Variants in DPP10 observed in about 807,000 individuals in gnomAD.
DPP10 encodes the protein inactive dipeptidyl peptidase 10.
Under a neutral mutation model 120.9 loss-of-function variants are expected in DPP10, and 33 were observed. The ratio of observed to expected loss-of-function variants is 0.27; its 90% confidence interval spans 0.21 to 0.37. The LOEUF (loss-of-function observed/expected upper bound fraction) is 0.37. Ranked by LOEUF, DPP10 falls within the 10% of genes least tolerant of loss-of-function variation. The pLI is 1.00. For missense variants in DPP10, 816 were observed against 942.8 expected (o/e 0.87, Z 1.76); for synonymous variants, 337 against 326.1 (o/e 1.03, Z -0.36).
intron 1 of DPP10, among the ~76,000 whole-genome samples, chr2:114,626,444 A>G (rs1326332379): frequency 6.6e-6 from 1 of 152,098 alleles, no homozygotes; most frequent in African/African-American, 2.4e-5. Context: ...ATAATCACAT[A>G]AACTATATAT....
intron 1 of DPP10, among the ~76,000 whole-genome samples, chr2:114,581,173 C>CTTTTTTTTTT (rs70937291): frequency 1.3e-5 from 1 of 77,892 alleles, no homozygotes; most frequent in Non-Finnish European, 2.3e-5. Flanking sequence ...TTTTTCTTCT[C>CTTTTTTTTTT]TTTTTTTTTT....
At chr2:115,459,438 T>C (rs2105054854) in intron 3 of DPP10, among the ~76,000 whole-genome samples, 1 of 152,190 alleles carries the variant, frequency 6.6e-6, no homozygotes, top group East Asian at 1.9e-4. Flanking sequence ...ATTACAGGCA[T>C]GAGCTACCAC....
chr2:114,848,613 A>G (rs1688719001), intron 1 of DPP10, among the ~76,000 whole-genome samples: 1 of 152,222 alleles, frequency 6.6e-6, no homozygotes. Flanking sequence ...TAGGACTTTC[A>G]TTGAAGAAAA....
chr2:115,099,130 C>CA (rs55815168), intron 1 of DPP10, among the ~76,000 whole-genome samples: 16,621 of 74,704 alleles, frequency 0.22, 1,068 homozygotes, highest in Non-Finnish European at 0.25. Context: ...GCTAAAAATA[C>CA]AAAAAAAAAA....
At chr2:114,807,009 T>C (rs1684792414) in intron 1 of DPP10, among the ~76,000 whole-genome samples, 2 of 152,210 alleles carry the variant, frequency 1.3e-5, no homozygotes, top group Non-Finnish European at 2.9e-5. Flanking sequence ...CTTCCTCAGA[T>C]TCTTGTTGGA....
intron 1 of DPP10, among the ~76,000 whole-genome samples, chr2:114,599,220 G>T (rs552682431): frequency 5.7e-4 from 86 of 151,834 alleles, no homozygotes; most frequent in African/African-American, 2.1e-3. Context: ...AATGAAGTAG[G>T]TTTGTAATTT....
intron 5 of DPP10, among the ~76,000 whole-genome samples, chr2:115,606,951 G>A (rs1425713091): frequency 6.6e-6 from 1 of 152,186 alleles, no homozygotes; most frequent in Non-Finnish European, 1.5e-5. Flanking sequence ...ATGAGAAGCA[G>A]TCAAATGCAA....
At chr2:115,639,692 G>A (rs2086624812) in intron 5 of DPP10, among the ~76,000 whole-genome samples, 1 of 151,988 alleles carries the variant, frequency 6.6e-6, no homozygotes, top group African/African-American at 2.4e-5. Context: ...CTTTTGAGGT[G>A]TTTGTTAAAA....
intron 1 of DPP10, among the ~76,000 whole-genome samples, chr2:114,621,597 T>G (rs1292007793): frequency 6.6e-6 from 1 of 151,988 alleles, no homozygotes; most frequent in African/African-American, 2.4e-5. Context: ...AGTAGGTTTT[T>G]TGTGTGTGAC....
intron 5 of DPP10, among the ~76,000 whole-genome samples, chr2:115,607,282 CATTT>C (rs2083764313): frequency 6.6e-6 from 1 of 152,058 alleles, no homozygotes; most frequent in Non-Finnish European, 1.5e-5. Flanking sequence ...TTAATTCAAA[CATTT>C]AATAATAATA....
At chr2:115,421,324 G>A (rs530443976) in intron 3 of DPP10, among the ~76,000 whole-genome samples, 1 of 152,200 alleles carries the variant, frequency 6.6e-6, no homozygotes, top group East Asian at 1.9e-4. Context: ...TAAATATACT[G>A]TGGAACTATG....
chr2:114,634,254 T>C (rs911828039), intron 1 of DPP10, among the ~76,000 whole-genome samples: 2 of 151,926 alleles, frequency 1.3e-5, no homozygotes, highest in African/African-American at 4.9e-5. Flanking sequence ...TTCTCAAATA[T>C]GAAAAGCTTT....
At chr2:115,634,503 A>G (rs2086158961) in intron 5 of DPP10, among the ~76,000 whole-genome samples, 1 of 152,136 alleles carries the variant, frequency 6.6e-6, no homozygotes, top group African/African-American at 2.4e-5. Context: ...GGTCCACTCC[A>G]GACTCTATTT....
chr2:114,710,448 T>C (rs1004632389), intron 1 of DPP10, among the ~76,000 whole-genome samples: 1 of 152,134 alleles, frequency 6.6e-6, no homozygotes, highest in South Asian at 2.1e-4. Context: ...AGATGCTTTA[T>C]AGAATAAAAG....
intron 3 of DPP10, among the ~76,000 whole-genome samples, chr2:115,382,795 A>G (rs1038960626): frequency 6.6e-6 from 1 of 152,192 alleles, no homozygotes; most frequent in Admixed American, 6.5e-5. Flanking sequence ...TCTTTTTAAA[A>G]AGGCTAGAGG....
intron 1 of DPP10, among the ~76,000 whole-genome samples, chr2:114,548,741 C>T (rs1359061383): frequency 6.6e-6 from 1 of 152,276 alleles, no homozygotes; most frequent in Non-Finnish European, 1.5e-5. Context: ...CAGTAACCTC[C>T]AACAGGTAGA....
intron 3 of DPP10, among the ~76,000 whole-genome samples, chr2:115,465,621 A>C (rs2074281559): frequency 6.6e-6 from 1 of 152,134 alleles, no homozygotes; most frequent in South Asian, 2.1e-4. Flanking sequence ...TCAGGAGTTC[A>C]TGAACAGCCT....
intron 5 of DPP10, among the ~76,000 whole-genome samples, chr2:115,684,559 C>G (rs1289723640): frequency 6.6e-6 from 1 of 151,704 alleles, no homozygotes; most frequent in African/African-American, 2.4e-5. Context: ...ATGGCAAATC[C>G]ATAATCCTAT....
At chr2:114,577,075 C>A (rs1022933360) in intron 1 of DPP10, among the ~76,000 whole-genome samples, 1 of 152,058 alleles carries the variant, frequency 6.6e-6, no homozygotes, top group African/African-American at 2.4e-5. Flanking sequence ...CAGAGAACAA[C>A]GAATCATGAT....
Sources: allele counts gnomAD v4.1 joint callset (sites outside exome capture counted in the v4.1 genomes callset), GRCh38; gene constraint gnomAD v4.1.1; transcripts MANE v1.5; gene names NCBI Gene and HGNC (gene_info 2026-07-23, HGNC 2026-07-21).